The following TRIO variants were observed in gnomAD, a reference collection of about 807,000 sequenced individuals.
The protein encoded by TRIO is triple functional domain protein.
A neutral mutation model predicts 351.9 loss-of-function variants in TRIO; 58 were observed. The ratio of observed to expected loss-of-function variants is 0.16; its 90% CI spans 0.13 to 0.21. The LOEUF (loss-of-function observed/expected upper bound fraction) is 0.21, where lower values mean the gene tolerates loss of function less well. Ranked by LOEUF, TRIO falls within the 10% of genes least tolerant of loss-of-function variation. The pLI is 1.00. For missense variants in TRIO, 3,201 were observed against 4,027.8 expected (o/e 0.79, Z 5.56); for synonymous variants, 1,758 against 1,595.7 (o/e 1.10, Z -2.42).
intron 11 of TRIO, among the ~76,000 whole-genome samples, chr5:14,348,491 CTGTA>C (rs539322950): frequency 2.8e-4 from 42 of 152,370 alleles, no homozygotes; most frequent in African/African-American, 9.9e-4. Flanking sequence ...GTGCGTGTGT[CTGTA>C]TGTACGTGCA....
chr5:14,395,483 C>T (rs759227177), intron 28 of TRIO, among the ~76,000 whole-genome samples: 1 of 152,202 alleles, frequency 6.6e-6, no homozygotes, highest in Admixed American at 6.5e-5. Context: ...TTCAGGAGAA[C>T]AGTGATAAGC....
intron 1 of TRIO, among the ~76,000 whole-genome samples, chr5:14,249,781 G>T (rs1196999189): frequency 6.6e-6 from 1 of 152,192 alleles, no homozygotes. Context: ...TTAAAAACCT[G>T]CATCCTCAAG....
chr5:14,264,754 G>C (rs915924102), intron 1 of TRIO, among the ~76,000 whole-genome samples: 1 of 152,236 alleles, frequency 6.6e-6, no homozygotes, highest in African/African-American at 2.4e-5. Flanking sequence ...CCTGTGCTGA[G>C]AGTATAATCC....
chr5:14,270,004 G>A (rs1239308486), intron 1 of TRIO, among the ~76,000 whole-genome samples: 3 of 152,208 alleles, frequency 2.0e-5, no homozygotes, highest in Admixed American at 6.5e-5. Flanking sequence ...ATTATGATGA[G>A]TATGGACATT....
chr5:14,359,597 G>T, intron 13 of TRIO, 66 bp downstream of exon 13: 1 of 1,565,930 alleles, frequency 6.4e-7, no homozygotes, highest in South Asian at 1.2e-5. Flanking sequence ...CAGCACCGGC[G>T]CCCTCTTGTC....
At chr5:14,461,794 T>G (rs1409247750) in intron 35 of TRIO, among the ~76,000 whole-genome samples, 1 of 152,252 alleles carries the variant, frequency 6.6e-6, no homozygotes, top group Admixed American at 6.5e-5. Context: ...CCAATTGTTT[T>G]TCCCCAATAT....
chr5:14,264,180 C>T (rs1297067633), intron 1 of TRIO, among the ~76,000 whole-genome samples: 2 of 151,664 alleles, frequency 1.3e-5, no homozygotes, highest in East Asian at 1.9e-4. Context: ...TTTGTTTAAA[C>T]TTTTTTTTGT....
At chr5:14,349,245 A>G (rs1290948601) in intron 11 of TRIO, among the ~76,000 whole-genome samples, 6 of 139,746 alleles carry the variant, frequency 4.3e-5, no homozygotes, top group Admixed American at 1.4e-4. Context: ...TTGTGTGTGC[A>G]CACACGTGAG....
chr5:14,358,258 C>T lies in TRIO; in HGVS notation c.2127C>T (p.Leu709=), dbSNP rs1561386854. ...AGTCGGTGGAGGCCGTGCAGGACCTCATCAAGCGCTTTGGCCAGCAGCAGC... is the reference window on the plus strand; with the variant it reads ...AGTCGGTGGAGGCCGTGCAGGACCTTATCAAGCGCTTTGGCCAGCAGCAGC... ...YAESVEAVQD[L]IKRFGQQQQT... is the part of the protein sequence containing the mutation. The change falls in exon 12 of 57, where the codon CTC becomes CTT. Residue 709 remains leucine, a synonymous_variant. Coordinates refer to ENST00000344204, the MANE Select transcript of TRIO (RefSeq NM_007118.4). 3.7e-6 allele frequency: 6 copies of T among 1,614,190 alleles called. No individual in the cohort carries two copies. Among genetic ancestry groups the T allele is most frequent in the East Asian group, 2.2e-5 (1 of 44,880 alleles).
chr5:14,409,661 C>T (rs358087), intron 33 of TRIO, among the ~76,000 whole-genome samples: 4 of 151,990 alleles, frequency 2.6e-5, no homozygotes, highest in Admixed American at 6.6e-5. Context: ...GGTGAAACCC[C>T]GTCTCTACTA....
intron 10 of TRIO, among the ~76,000 whole-genome samples, chr5:14,334,764 TC>T (rs958748225): frequency 5.9e-5 from 9 of 152,206 alleles, no homozygotes; most frequent in African/African-American, 2.2e-4. Flanking sequence ...AGCAGGGACT[TC>T]CAAGCCTTCT....
At chr5:14,423,498 A>G (rs1055508160) in intron 34 of TRIO, among the ~76,000 whole-genome samples, 1 of 152,222 alleles carries the variant, frequency 6.6e-6, no homozygotes, top group African/African-American at 2.4e-5. Context: ...AAGAATGTGT[A>G]TATTTCCAGT....
intron 21 of TRIO, among the ~76,000 whole-genome samples, chr5:14,385,491 C>G (rs1746461467): frequency 1.3e-5 from 2 of 152,280 alleles, no homozygotes; most frequent in South Asian, 4.1e-4. Flanking sequence ...GTAGAAAATG[C>G]TAATACAGAG....
rs1456380687 is a variant in TRIO, at chr5:14,466,968, TATTA to T, written c.5763+1332_5763+1335del. 4.6e-5 allele frequency among the ~76,000 whole-genome samples: 7 copies of T among 152,324 alleles called. No individual in the cohort carries two copies. The East Asian group carries it at 1.2e-3, about 25-fold the overall frequency. The stretch of plus-strand genomic sequence containing the variant: ...GGCGCTGTTCTAAGTGCTGAGCATG[TATTA>T]ATTTATATACTTCCCACAACAACCC... On this transcript the variant is annotated intron_variant, in intron 37 of 56. Transcript: ENST00000344204.
chr5:14,504,730 C>T, intron 55 of TRIO, 137 bp downstream of exon 55: 1 of 1,073,232 alleles, frequency 9.3e-7, no homozygotes, highest in South Asian at 1.6e-5. Flanking sequence ...TCTTCACTGT[C>T]AGAGCCCGCA....
At chr5:14,507,847 G>A (rs1757817785) in intron 56 of TRIO, 33 bp from the exon 57 acceptor site, 2 of 1,592,076 alleles carry the variant, frequency 1.3e-6, no homozygotes, top group African/African-American at 2.7e-5. Context: ...AGATTGGATG[G>A]TCTGAAAATG....
chr5:14,251,536 C>G (rs185512843), intron 1 of TRIO, among the ~76,000 whole-genome samples: 11 of 152,344 alleles, frequency 7.2e-5, no homozygotes, highest in Admixed American at 5.2e-4. Context: ...ATCTGTTCCT[C>G]CCTCTCCACA....
At chr5:14,357,148 A>G (rs1322367417) in intron 11 of TRIO, among the ~76,000 whole-genome samples, 3 of 152,256 alleles carry the variant, frequency 2.0e-5, no homozygotes, top group African/African-American at 7.2e-5. Flanking sequence ...GACCACATGC[A>G]CACACAGTTT....
chr5:14,337,782 C>T (rs7731443), intron 11 of TRIO, among the ~76,000 whole-genome samples: 10,850 of 152,140 alleles, frequency 0.071, 484 homozygotes, highest in African/African-American at 0.13. Context: ...GCAGGCTTCC[C>T]TCTGAAACCC....
Sources: allele counts gnomAD v4.1 joint callset (sites outside exome capture counted in the v4.1 genomes callset), GRCh38; gene constraint gnomAD v4.1.1; transcripts MANE v1.5; gene names NCBI Gene and HGNC (gene_info 2026-07-23, HGNC 2026-07-21).